PHACTR4: variants seen among roughly 807,000 people sequenced by gnomAD.
PHACTR4 encodes the protein protein phosphatase 1, regulatory subunit 124.
PHACTR4 carries 51 observed loss-of-function variants against 72.7 expected under a neutral mutation model. The observed-to-expected ratio is 0.70, with a 90% CI of 0.56 to 0.89. The LOEUF is 0.89. PHACTR4 is among the 40% of genes least tolerant of loss of function. The pLI is 0.00. For synonymous variants in PHACTR4, 255 were observed against 302.5 expected (o/e 0.84, Z 1.63); for missense variants, 731 against 861.8 (o/e 0.85, Z 1.90).
intron 10 of PHACTR4, chr1:28,489,887 C>T (rs1228234312): frequency 1.9e-6 from 1 of 518,992 alleles, no homozygotes. Flanking sequence ...TCTCTCAGCA[C>T]TACTTGGGTA....
At chr1:28,478,948 A>G (rs1660094465) in intron 8 of PHACTR4, among the ~76,000 whole-genome samples, 2 of 152,100 alleles carry the variant, frequency 1.3e-5, no homozygotes, top group South Asian at 2.1e-4. Flanking sequence ...AGGAACCTCC[A>G]TAGTGTTTTC....
intron 9 of PHACTR4, among the ~76,000 whole-genome samples, chr1:28,485,870 G>A (rs548790231): frequency 1.3e-5 from 2 of 151,966 alleles, no homozygotes; most frequent in Admixed American, 6.6e-5. Context: ...CTGCACTCCA[G>A]CCTGGGCAAC....
chr1:28,496,102 G>A (rs892918825), intron 13 of PHACTR4, among the ~76,000 whole-genome samples: 2 of 144,212 alleles, frequency 1.4e-5, no homozygotes, highest in Non-Finnish European at 3.0e-5. Flanking sequence ...TGTCACCCAG[G>A]CTGGAGTGCA....
At chr1:28,373,959 C>T (rs1300826073) in intron 1 of PHACTR4, among the ~76,000 whole-genome samples, 1 of 152,200 alleles carries the variant, frequency 6.6e-6, no homozygotes, top group Non-Finnish European at 1.5e-5. Flanking sequence ...CTAATCTTAG[C>T]AGCACCAACA....
chr1:28,409,124 C>CTTT (rs564622352), intron 2 of PHACTR4, among the ~76,000 whole-genome samples: 3 of 133,094 alleles, frequency 2.3e-5, no homozygotes, highest in African/African-American at 5.5e-5. Flanking sequence ...TTCTTTCTTT[C>CTTT]TTTTTTTTTT....
chr1:28,432,345 G>A (rs1368120121), intron 2 of PHACTR4, among the ~76,000 whole-genome samples: 1 of 151,612 alleles, frequency 6.6e-6, no homozygotes, highest in East Asian at 1.9e-4. Flanking sequence ...ACTTTGGGAA[G>A]CTGAGGCTAG....
chr1:28,391,795 C>T (rs61783806), intron 1 of PHACTR4, among the ~76,000 whole-genome samples: 3 of 151,600 alleles, frequency 2.0e-5, no homozygotes, highest in East Asian at 1.9e-4. Flanking sequence ...TTAGTAGAGA[C>T]GGAGTTTCTC....
intron 1 of PHACTR4, among the ~76,000 whole-genome samples, chr1:28,395,109 C>T (rs558090301): frequency 2.8e-4 from 43 of 152,034 alleles, no homozygotes; most frequent in Non-Finnish European, 4.9e-4. Flanking sequence ...GATGGGGTTT[C>T]GCCATGTTGG....
chr1:28,472,974 C>T (rs1213713899), intron 6 of PHACTR4, among the ~76,000 whole-genome samples: 1 of 151,010 alleles, frequency 6.6e-6, no homozygotes, highest in Admixed American at 6.6e-5. Context: ...ACACCAAGAT[C>T]AAGTTACAAA....
At chr1:28,455,619 A>G (rs74064846) in intron 2 of PHACTR4, among the ~76,000 whole-genome samples, 15,801 of 152,068 alleles carry the variant, frequency 0.1, 1,899 homozygotes, top group African/African-American at 0.3. Flanking sequence ...CACCTGACTG[A>G]CCTTAGGACC....
Position 28,476,238 on chromosome 1 carries a change from C to G in PHACTR4, c.1553C>G (p.Ser518Ter). ...EEEEKESDSDSEGPIQYRDEE... is the reference protein window; with the variant it reads ...EEEEKESDSD Reference sequence around the variant, plus strand: ...GAAGAGAAGGAGAGCGACTCTGATTCAGAAGGTCCCATTCAGTACCGAGAT... The same window carrying G: ...GAAGAGAAGGAGAGCGACTCTGATTGAGAAGGTCCCATTCAGTACCGAGAT... Residue 518 changes from serine to a stop codon, truncating the protein, a stop_gained, in exon 8 of 14, where the codon TCA (serine) becomes TGA (stop). Coordinates refer to ENST00000373839, the MANE Select transcript of PHACTR4 (RefSeq NM_001048183.3). LOFTEE classifies it high-confidence loss of function. 1.9e-6 allele frequency: 3 copies of G among 1,613,486 alleles called. No individual in the cohort carries two copies. The highest frequency in any genetic ancestry group is 2.5e-6 in the Non-Finnish European group (3 of 1,179,772).
intron 2 of PHACTR4, among the ~76,000 whole-genome samples, chr1:28,445,549 T>A (rs1188527009): frequency 6.6e-6 from 1 of 152,212 alleles, no homozygotes; most frequent in Admixed American, 6.6e-5. Context: ...CCCCCCACTT[T>A]TCTTTTGCAT....
In PHACTR4 at chr1:28,455,198, C is replaced by CTTTCTTT. The variant is rs1250815977; in HGVS notation, c.17-3884_17-3883insCTTTTTT. 5.1e-3 allele frequency among the ~76,000 whole-genome samples: 435 copies of CTTTCTTT among 85,976 alleles called. 8 individuals are homozygous for CTTTCTTT. Among genetic ancestry groups the CTTTCTTT allele is most frequent in the African/African-American group, 0.022 (398 of 17,800 alleles). 56.4% of individuals were successfully genotyped at this position (85,976 alleles called of 152,430 possible). A position where few individuals can be genotyped will look rare whatever the true frequency, so the allele number is the denominator to read the frequency against. ...TTTTTCTTTTTCTTTTTCTTTCTTT[C>CTTTCTTT]TTTTTTTTTTTTTTTTTTTTGAGAC... On this transcript the variant is annotated intron_variant, in intron 2 of 13. Coordinates refer to ENST00000373839, the MANE Select transcript of PHACTR4 (RefSeq NM_001048183.3).
intron 1 of PHACTR4, among the ~76,000 whole-genome samples, chr1:28,395,800 C>A (rs1254817819): frequency 1.8e-4 from 25 of 138,096 alleles, no homozygotes; most frequent in African/African-American, 4.8e-4. Flanking sequence ...GCTACTGTTA[C>A]AATTACACGC....
At chr1:28,491,580 G>C in intron 11 of PHACTR4, 70 bp from the exon 12 acceptor site, 1 of 1,600,906 alleles carries the variant, frequency 6.2e-7, no homozygotes, top group Non-Finnish European at 8.6e-7. Context: ...CACTGGGTTA[G>C]AGGCAATTTG....
At chr1:28,378,060 G>T (rs1209019606) in intron 1 of PHACTR4, among the ~76,000 whole-genome samples, 1 of 151,182 alleles carries the variant, frequency 6.6e-6, no homozygotes, top group Admixed American at 6.6e-5. Context: ...ATCCGGGCAT[G>T]GTGGTGGGTG....
At chr1:28,463,369 A>G (rs1034416746) in intron 4 of PHACTR4, among the ~76,000 whole-genome samples, 1 of 152,158 alleles carries the variant, frequency 6.6e-6, no homozygotes, top group Non-Finnish European at 1.5e-5. Flanking sequence ...CTCTATATTT[A>G]ATATAAGAAA....
At chr1:28,415,273 AAG>A (rs200306436) in intron 2 of PHACTR4, among the ~76,000 whole-genome samples, 40,508 of 148,756 alleles carry the variant, frequency 0.27, 5,497 homozygotes, top group Middle Eastern at 0.33. Context: ...AAAAAAAAAA[AAG>A]AGAGAGAAAA....
chr1:28,463,967 A>T (rs1658977321), intron 4 of PHACTR4, among the ~76,000 whole-genome samples: 1 of 151,830 alleles, frequency 6.6e-6, no homozygotes. Flanking sequence ...CTTGGGCTCA[A>T]CGATCCTCCC....
Sources: allele counts gnomAD v4.1 joint callset (sites outside exome capture counted in the v4.1 genomes callset), GRCh38; gene constraint gnomAD v4.1.1; transcripts MANE v1.5; gene names NCBI Gene and HGNC (gene_info 2026-07-23, HGNC 2026-07-21).